Variants in NCAPD3 observed in about 807,000 individuals in gnomAD.
The protein encoded by NCAPD3 is non-SMC condensin II complex subunit D3.
NCAPD3 carries 105 observed loss-of-function variants against 182.9 expected under a neutral mutation model. The observed-to-expected ratio is 0.57, with a 90% CI of 0.49 to 0.68. The LOEUF (loss-of-function observed/expected upper bound fraction) is 0.68. Ranked by LOEUF, NCAPD3 falls within the 30% of genes least tolerant of loss-of-function variation. The probability of loss-of-function intolerance (pLI) is 0.00; values close to 1 mark genes in which losing one functional copy is unlikely to be tolerated. For missense variants in NCAPD3, 1,944 were observed against 1,837.0 expected, an observed-to-expected ratio of 1.06 and a Z score of -1.07; for synonymous variants, 815 against 679.9, an observed-to-expected ratio of 1.20 and a Z score of -3.09.
At chr11:134,153,116 C>T (rs372256466) in intron 34 of NCAPD3, 24 bp downstream of exon 34, 1 of 1,613,554 alleles carries the variant, frequency 6.2e-7, no homozygotes, top group Non-Finnish European at 8.5e-7. Context: ...ACATCCACCT[C>T]AAAAGGAACA....
chr11:134,158,379 T>C lies in NCAPD3; in HGVS notation c.3984A>G (p.Ser1328=). The change falls in exon 30 of 35, where the codon TCA becomes TCG. Residue 1328 remains serine (S), a synonymous_variant. Coordinates refer to ENST00000534548, the MANE Select transcript of NCAPD3 (RefSeq NM_015261.3). ...PRASAGHVAV[S]SPTPETGPLQ... ...ATGGCCCTGTTTCAGGTGTAGGAGA[T>C]GATACTGCTACATGGCCAGCACTTG... The C allele has an allele frequency of 6.2e-7, 1 of 1,614,138 alleles. No individual in the cohort carries two copies. The highest frequency in any genetic ancestry group is 8.5e-7 in the Non-Finnish European group (1 of 1,180,012).
rs753502928 is a variant in NCAPD3 at position 134,168,452 on chromosome 11, A to C, written c.3373+17T>G. 2.7e-5 allele frequency: 44 copies of C among 1,613,814 alleles called. No individual in the cohort carries two copies. In the Middle Eastern group the frequency reaches 4.9e-4, roughly 18 times the overall value. ...TTTGCAAACACACACATTTTCTCCCACACACACTGGGCTTACCCAAAATAC... is the reference window on the plus strand; with the variant it reads ...TTTGCAAACACACACATTTTCTCCCCCACACACTGGGCTTACCCAAAATAC... On this transcript the variant is annotated intron_variant, in intron 26 of 34. Transcript: ENST00000534548.
chr11:134,169,055 C>A lies in NCAPD3; in HGVS notation c.3102-1G>T. 3 of 1,612,604 alleles carry A rather than the reference C, an allele frequency of 1.9e-6. No individual in the cohort carries two copies. Among genetic ancestry groups the A allele is most frequent in the Non-Finnish European group, 2.5e-6 (3 of 1,179,278 alleles). ...GTGAGCCAGGCAAAACTCCCCGAAG[C>A]TGCAAAGGTGAGAGAAACAAAGAGG... On this transcript the variant is annotated splice_acceptor_variant, in intron 24 of 34. Transcript: ENST00000534548. LOFTEE classifies it high-confidence loss of function.
chr11:134,160,129 C>A, intron 28 of NCAPD3, 55 bp from the exon 29 acceptor site: 1 of 1,576,286 alleles, frequency 6.3e-7, no homozygotes. Flanking sequence ...AACGTAAAGC[C>A]CTAAACCCCC....
chr11:134,180,957 C>G (rs1017538463), intron 20 of NCAPD3, 120 bp downstream of exon 20: 9 of 655,442 alleles, frequency 1.4e-5, no homozygotes, highest in African/African-American at 1.3e-4. Context: ...AAAGTAAGCT[C>G]TAGGCTAAGA....
Position 134,168,034 on chromosome 11 carries a change from C to T in NCAPD3, c.3535G>A (p.Val1179Ile). Residue 1179 changes from valine (V) to isoleucine (I), a missense_variant, in exon 27 of 35, where the codon GTA becomes ATA. Val to Ile is a conservative substitution (Grantham distance 29, BLOSUM62 3). This residue lies in a region of NCAPD3 where 1,803 missense variants were observed against 1,674.6 expected (regional missense o/e 1.08). Transcript: ENST00000534548. ...MEEDDMALAN[V>I]VMQEAQKKLI... ...TTCTTCTGAGCTTCCTGCATGACTACATTTGCCAAGGCCATGTCATCTTCT... is the reference window on the plus strand; with the variant it reads ...TTCTTCTGAGCTTCCTGCATGACTATATTTGCCAAGGCCATGTCATCTTCT... 1 of 1,614,114 alleles carries T rather than the reference C, an allele frequency of 6.2e-7. No individual in the cohort carries two copies.
intron 16 of NCAPD3, chr11:134,186,283 C>T (rs1944404131): frequency 6.6e-6 from 1 of 152,234 alleles, no homozygotes; most frequent in East Asian, 1.9e-4. Context: ...TGTGTAGCCT[C>T]CACCTCCTGG....
At chr11:134,224,934 C>T (rs1035532419), upstream of NCAPD3, 1 of 283,650 alleles carries the variant, frequency 3.5e-6, no homozygotes, top group Non-Finnish European at 6.1e-6. Flanking sequence ...CTCCCCCGGC[C>T]GTGCCCCTCC....
At chr11:134,180,334 A>G (rs1054987283) in intron 20 of NCAPD3, among the ~76,000 whole-genome samples, 1 of 152,178 alleles carries the variant, frequency 6.6e-6, no homozygotes, top group African/African-American at 2.4e-5. Context: ...GACGTGCTCC[A>G]CTAATTTAAA....
rs1943469971 is a variant in NCAPD3 at position 134,157,950 on chromosome 11, G to A, written c.4152C>T (p.Ser1384=). 3.1e-6 allele frequency: 5 copies of A among 1,613,828 alleles called. No homozygotes were observed. Among genetic ancestry groups the A allele is most frequent in the East Asian group, 2.2e-5 (1 of 44,888 alleles). The change falls in exon 31 of 35, where the codon AGC becomes AGT. Residue 1384 remains serine, a synonymous_variant. Transcript: ENST00000534548. ...TACCCTGACTGCACGTTTTTTCTGG[G>A]CTTCCAGAATTTAAAGTGAAAGGCA... is the stretch of plus-strand genomic sequence containing the variant. ...GVLPFTLNSG[S]PEKTCSQVSS... is the part of the protein sequence containing the mutation.
chr11:134,203,638 T>C lies in NCAPD3; in HGVS notation c.1468+16A>G, dbSNP rs769376117. 1.9e-5 allele frequency: 31 copies of C among 1,607,376 alleles called. 1 individual carries two copies. The highest frequency in any genetic ancestry group is 6.7e-5 in the East Asian group (3 of 44,856). On this transcript the variant is annotated intron_variant, in intron 11 of 34. Transcript: ENST00000534548. ...GCACAAGACCGGTTTACTGTCCCAATAGTCGCCATACTCACTGTTAATCAG... is the reference window on the plus strand; with the variant it reads ...GCACAAGACCGGTTTACTGTCCCAACAGTCGCCATACTCACTGTTAATCAG...
chr11:134,184,196 T>A (rs932711974), intron 19 of NCAPD3, among the ~76,000 whole-genome samples: 4 of 152,224 alleles, frequency 2.6e-5, no homozygotes, highest in Non-Finnish European at 4.4e-5. Context: ...TTGAGTAGTG[T>A]AACCTCATAG....
Position 134,168,135 on chromosome 11 carries a change from G to A in NCAPD3, c.3434C>T (p.Thr1145Met), listed in dbSNP as rs780746091. The change falls in exon 27 of 35, where the codon ACG becomes ATG. Residue 1145 changes from threonine to methionine, a missense_variant. Thr to Met is a moderately conservative substitution (Grantham distance 81). Transcript: ENST00000534548. ...CTCCTTTGAGCTGAGGACCTCAAACGTGTCTGAGAGTAACTCACTGGCGTC... is the reference window on the plus strand; with the variant it reads ...CTCCTTTGAGCTGAGGACCTCAAACATGTCTGAGAGTAACTCACTGGCGTC... ...DLDASELLSD[T>M]FEVLSSKEIK... 51 of 1,614,096 alleles carry A rather than the reference G, an allele frequency of 3.2e-5. No homozygotes were observed. In the East Asian group the frequency reaches 1.0e-3, roughly 32 times the overall value.
chr11:134,150,766 C>G lies in NCAPD3; in HGVS notation c.*2178G>C, dbSNP rs1483325726. On this transcript the variant is annotated 3_prime_UTR_variant, in exon 35 of 35. Coordinates refer to ENST00000534548, the MANE Select transcript of NCAPD3 (RefSeq NM_015261.3). ...AAATGGATCCCACTGTTCCTCTTTGCCACAGAGAAAGCACCCAGACGCCAC... is the reference window on the plus strand; with the variant it reads ...AAATGGATCCCACTGTTCCTCTTTGGCACAGAGAAAGCACCCAGACGCCAC... The G allele has an allele frequency of 3.3e-5, 5 of 152,076 alleles. No homozygotes were observed. Among genetic ancestry groups the G allele is most frequent in the Non-Finnish European group, 5.9e-5 (4 of 68,030 alleles). The allele number at this position is 152,076 out of a possible 1,614,324, so 9.4% of individuals were successfully genotyped here.
At chr11:134,161,659 T>C (rs1410944682) in intron 28 of NCAPD3, 122 bp downstream of exon 28, 2 of 683,758 alleles carry the variant, frequency 2.9e-6, no homozygotes, top group African/African-American at 1.8e-5. Context: ...AAGGTAATGT[T>C]GGGTTTGCAG....
At chr11:134,153,703 GC>G in intron 32 of NCAPD3, 4 of 359,158 alleles carry the variant, frequency 1.1e-5, no homozygotes, top group Non-Finnish European at 2.1e-5. Context: ...TCCTACTGTG[GC>G]TCACCCAGAT....
Position 134,216,954 on chromosome 11 carries a change from A to G in NCAPD3, c.364T>C (p.Leu122=). 1 of 1,611,316 alleles carries G rather than the reference A, an allele frequency of 6.2e-7. No homozygotes were observed. The highest frequency in any genetic ancestry group is 8.5e-7 in the Non-Finnish European group (1 of 1,179,272). The stretch of plus-strand genomic sequence containing the variant: ...TACATACCTGGTACTTCTAGTAGCA[A>G]AAAGTAAAGCCCAGCGGCATGAAGG... The part of the protein sequence containing the change: ...YGLHAAGLYF[L]LLEVPGSVAN... The change falls in exon 3 of 35, where the codon TTG becomes CTG. Residue 122 remains leucine (L), a synonymous_variant. Transcript: ENST00000534548.
intron 24 of NCAPD3, among the ~76,000 whole-genome samples, chr11:134,170,574 G>T (rs1943982456): frequency 6.6e-6 from 1 of 152,222 alleles, no homozygotes. Flanking sequence ...AAAATGTAAA[G>T]CCAGATAGAA....
chr11:134,210,759 A>G (rs1029113111), intron 3 of NCAPD3, among the ~76,000 whole-genome samples: 2 of 152,238 alleles, frequency 1.3e-5, no homozygotes, highest in Non-Finnish European at 2.9e-5. Context: ...ACCAGGCAGC[A>G]TAAGAAGGGC....
Sources: allele counts gnomAD v4.1 joint callset (sites outside exome capture counted in the v4.1 genomes callset), GRCh38; gene constraint gnomAD v4.1.1; regional missense constraint gnomAD v4.1.1; transcripts MANE v1.5; gene names NCBI Gene and HGNC (gene_info 2026-07-23, HGNC 2026-07-21).